DSCAML1: variants seen among roughly 807,000 people sequenced by gnomAD.
The protein encoded by DSCAML1 is cell adhesion molecule DSCAML1.
Under a neutral mutation model 200.5 loss-of-function variants are expected in DSCAML1, and 38 were observed. That is an observed-to-expected ratio of 0.19 (90% CI 0.15 to 0.25). The LOEUF is 0.25. DSCAML1 is among the 10% of genes least tolerant of loss of function. The pLI is 1.00. For synonymous variants in DSCAML1, 1,215 were observed against 1,165.0 expected (o/e 1.04, Z -0.87); for missense variants, 2,223 against 2,858.8 (o/e 0.78, Z 5.07).
At chr11:117,575,544 G>A (rs1313132084) in intron 3 of DSCAML1, among the ~76,000 whole-genome samples, 2 of 152,236 alleles carry the variant, frequency 1.3e-5, no homozygotes, top group Non-Finnish European at 2.9e-5. Context: ...GTGATTTGCT[G>A]TATGGCTGGG....
At chr11:117,525,138 C>A in intron 4 of DSCAML1, 55 bp from the exon 5 acceptor site, 1 of 1,470,322 alleles carries the variant, frequency 6.8e-7, no homozygotes, top group East Asian at 2.6e-5. Context: ...GATGAAGTGG[C>A]GCTGGGGGAG....
At chr11:117,432,647 C>CAAAAAA in intron 29 of DSCAML1, 143 bp from the exon 30 acceptor site, 1 of 940,052 alleles carries the variant, frequency 1.1e-6, no homozygotes, top group Non-Finnish European at 1.6e-6. Flanking sequence ...GACAGGGTCT[C>CAAAAAA]ACTCTGTTGC....
intron 3 of DSCAML1, among the ~76,000 whole-genome samples, chr11:117,758,548 C>G (rs2054739040): frequency 6.6e-6 from 1 of 151,860 alleles, no homozygotes; most frequent in Non-Finnish European, 1.5e-5. Context: ...ACTACAGGCG[C>G]CTACCACCAC....
At chr11:117,432,313 G>T (rs202210926) in intron 30 of DSCAML1, 39 bp downstream of exon 30, 1 of 1,583,108 alleles carries the variant, frequency 6.3e-7, no homozygotes, top group Non-Finnish European at 8.6e-7. Flanking sequence ...AAGCCACCCC[G>T]GTTGGGAAAA....
chr11:117,486,318 AAGT>A (rs1358973242), intron 11 of DSCAML1, among the ~76,000 whole-genome samples: 2 of 151,448 alleles, frequency 1.3e-5, no homozygotes, highest in African/African-American at 2.4e-5. Context: ...GTGGATGTGA[AAGT>A]AGCGGATGTG....
intron 3 of DSCAML1, among the ~76,000 whole-genome samples, chr11:117,559,065 G>A (rs1379996697): frequency 6.6e-6 from 1 of 152,112 alleles, no homozygotes. Context: ...GAGAAGTTGG[G>A]AAGGACAACA....
chr11:117,586,305 G>C (rs2051140789), intron 3 of DSCAML1, among the ~76,000 whole-genome samples: 1 of 151,542 alleles, frequency 6.6e-6, no homozygotes, highest in South Asian at 2.1e-4. Context: ...GAGGGTGGGA[G>C]GGGAGGCTGG....
At chr11:117,631,121 G>A (rs1185544744) in intron 3 of DSCAML1, among the ~76,000 whole-genome samples, 1 of 152,224 alleles carries the variant, frequency 6.6e-6, no homozygotes, top group Admixed American at 6.5e-5. Context: ...GTCACCCTCA[G>A]GAAATAGAAA....
intron 3 of DSCAML1, among the ~76,000 whole-genome samples, chr11:117,694,770 G>A (rs1950013981): frequency 6.6e-6 from 1 of 152,256 alleles, no homozygotes; most frequent in Admixed American, 6.5e-5. Context: ...AAGCATCGTG[G>A]AACAGACAGA....
intron 3 of DSCAML1, among the ~76,000 whole-genome samples, chr11:117,585,423 T>C (rs2051121567): frequency 6.6e-6 from 1 of 152,070 alleles, no homozygotes; most frequent in African/African-American, 2.4e-5. Context: ...CTAACTTTTG[T>C]ATATTTAATA....
At chr11:117,589,584 A>G (rs917232975) in intron 3 of DSCAML1, among the ~76,000 whole-genome samples, 4 of 152,234 alleles carry the variant, frequency 2.6e-5, no homozygotes, top group African/African-American at 9.6e-5. Context: ...AATAATGTTG[A>G]TAATGATAAT....
At chr11:117,549,028 G>T (rs1049624572) in intron 3 of DSCAML1, among the ~76,000 whole-genome samples, 3 of 152,196 alleles carry the variant, frequency 2.0e-5, no homozygotes, top group Non-Finnish European at 2.9e-5. Flanking sequence ...GTGACCTCTT[G>T]CAGCCATCTG....
At chr11:117,609,002 GCAAACAAACAAACAAA>G (rs71037489) in intron 3 of DSCAML1, among the ~76,000 whole-genome samples, 2 of 146,684 alleles carry the variant, frequency 1.4e-5, no homozygotes, top group Non-Finnish European at 3.0e-5. Context: ...CCCCATTTCT[GCAAACAAACAAACAAA>G]CAAACAAACA....
intron 3 of DSCAML1, among the ~76,000 whole-genome samples, chr11:117,675,152 A>G (rs2053184809): frequency 6.6e-6 from 1 of 152,238 alleles, no homozygotes; most frequent in African/African-American, 2.4e-5. Context: ...ATGAGTTAAC[A>G]TATGTGAAGA....
At chr11:117,548,600 G>A (rs545591958) in intron 3 of DSCAML1, among the ~76,000 whole-genome samples, 65 of 152,200 alleles carry the variant, frequency 4.3e-4, no homozygotes, top group Non-Finnish European at 7.5e-4. Flanking sequence ...ATTCCTAGGT[G>A]GGATGCAGGC....
intron 3 of DSCAML1, among the ~76,000 whole-genome samples, chr11:117,585,190 C>T (rs1344987037): frequency 6.6e-6 from 1 of 152,140 alleles, no homozygotes; most frequent in African/African-American, 2.4e-5. Flanking sequence ...GGAATTCATA[C>T]TTTCTGTCCC....
chr11:117,563,526 G>A (rs774510376), intron 3 of DSCAML1, among the ~76,000 whole-genome samples: 1 of 152,148 alleles, frequency 6.6e-6, no homozygotes, highest in Non-Finnish European at 1.5e-5. Context: ...AGGAAGCTCC[G>A]TGCCAGAGGG....
chr11:117,429,473 G>A (rs372008424), intron 32 of DSCAML1, among the ~76,000 whole-genome samples: 21 of 140,302 alleles, frequency 1.5e-4, no homozygotes, highest in African/African-American at 3.9e-4. Context: ...GCATGATCTC[G>A]GCTCACTGCA....
At chr11:117,812,884 C>G (rs1161384903) in intron 1 of DSCAML1, among the ~76,000 whole-genome samples, 1 of 151,714 alleles carries the variant, frequency 6.6e-6, no homozygotes, top group East Asian at 1.9e-4. Context: ...CTTGACCTTA[C>G]TGTTTTAGCC....
Sources: allele counts gnomAD v4.1 joint callset (sites outside exome capture counted in the v4.1 genomes callset), GRCh38; gene constraint gnomAD v4.1.1; transcripts MANE v1.5; gene names NCBI Gene and HGNC (gene_info 2026-07-23, HGNC 2026-07-21).